The following MSI2 variants were observed in gnomAD, a reference collection of about 807,000 sequenced individuals.
The protein encoded by MSI2 is musashi RNA binding protein 2.
Under a neutral mutation model 45.6 loss-of-function variants are expected in MSI2, and 17 were observed. The observed-to-expected ratio is 0.37, with a 90% CI of 0.26 to 0.56. The LOEUF (loss-of-function observed/expected upper bound fraction) is 0.56, where lower values mean the gene tolerates loss of function less well. MSI2 is among the 20% of genes least tolerant of loss of function. The pLI, the probability that MSI2 is intolerant of heterozygous loss-of-function variation, is 0.77. For missense variants in MSI2, 293 were observed against 444.2 expected, an observed-to-expected ratio of 0.66 and a Z score of 3.06; for synonymous variants, 156 against 158.2, an observed-to-expected ratio of 0.99 and a Z score of 0.11.
intron 7 of MSI2, among the ~76,000 whole-genome samples, chr17:57,561,623 A>C (rs1332508564): frequency 6.6e-6 from 1 of 152,150 alleles, no homozygotes; most frequent in African/African-American, 2.4e-5. Context: ...TGTGCTAATG[A>C]GGAAACATGG....
chr17:57,440,753 A>G (rs1426418324), intron 6 of MSI2: 1 of 151,994 alleles, frequency 6.6e-6, no homozygotes, highest in Non-Finnish European at 1.5e-5. Context: ...AGGACTGAGG[A>G]GGTGGGGAAG....
intron 5 of MSI2, among the ~76,000 whole-genome samples, chr17:57,375,952 C>T (rs752932962): frequency 4.5e-4 from 69 of 152,276 alleles, no homozygotes; most frequent in Non-Finnish European, 6.5e-4. Flanking sequence ...CAGCCTGTCC[C>T]GCCTTTGAAC....
intron 5 of MSI2, among the ~76,000 whole-genome samples, chr17:57,301,450 C>T (rs1911412918): frequency 6.6e-6 from 1 of 152,226 alleles, no homozygotes; most frequent in African/African-American, 2.4e-5. Flanking sequence ...TAGGAATACT[C>T]ACATAGTCAC....
At chr17:57,450,320 A>AAAG (rs1567830999) in intron 6 of MSI2, 2 of 142,582 alleles carry the variant, frequency 1.4e-5, no homozygotes, top group African/African-American at 5.0e-5. Context: ...AGAAAGAAAG[A>AAAG]AAACCTTTGT....
At chr17:57,636,877 T>C (rs12949952) in intron 10 of MSI2, among the ~76,000 whole-genome samples, 6,542 of 152,256 alleles carry the variant, frequency 0.043, 194 homozygotes, top group Middle Eastern at 0.065. Flanking sequence ...TCTTGAAATA[T>C]CAAGACAGGC....
intron 7 of MSI2, among the ~76,000 whole-genome samples, chr17:57,569,301 G>A (rs569549545): frequency 6.6e-5 from 10 of 152,336 alleles, no homozygotes; most frequent in African/African-American, 2.4e-4. Context: ...ATGGGCTCCA[G>A]TTTGCTGCCA....
intron 5 of MSI2, among the ~76,000 whole-genome samples, chr17:57,304,613 G>T (rs946332536): frequency 6.6e-5 from 10 of 151,762 alleles, no homozygotes; most frequent in Non-Finnish European, 1.3e-4. Flanking sequence ...AATAGAGACA[G>T]GGTTTCACTA....
chr17:57,448,359 T>G (rs1407834454), intron 6 of MSI2: 1 of 152,238 alleles, frequency 6.6e-6, no homozygotes, highest in Non-Finnish European at 1.5e-5. Flanking sequence ...CACATGTAGG[T>G]AATTTATTAA....
chr17:57,270,162 G>T (rs191020673), intron 5 of MSI2, among the ~76,000 whole-genome samples: 1 of 152,124 alleles, frequency 6.6e-6, no homozygotes, highest in African/African-American at 2.4e-5. Context: ...TCCTAATTCA[G>T]AATAATGACT....
chr17:57,422,305 CA>C (rs1479922049), intron 6 of MSI2, among the ~76,000 whole-genome samples: 7 of 152,082 alleles, frequency 4.6e-5, no homozygotes, highest in African/African-American at 1.7e-4. Flanking sequence ...ACTAAAAATA[CA>C]AAAATTATCC....
At chr17:57,687,615 A>G (rs970213356), downstream of MSI2, among the ~76,000 whole-genome samples, 1 of 152,128 alleles carries the variant, frequency 6.6e-6, no homozygotes, top group Non-Finnish European at 1.5e-5. Flanking sequence ...AAGATATAAT[A>G]CTGAAAAATA....
At chr17:57,450,278 A>AAGAAAGAAAG (rs2084980852) in intron 6 of MSI2, 1 of 105,386 alleles carries the variant, frequency 9.5e-6, no homozygotes, top group African/African-American at 3.8e-5. Flanking sequence ...AAAGAAAGAA[A>AAGAAAGAAAG]GAAAGAAAGA....
At chr17:57,463,650 C>T (rs1021290622) in intron 6 of MSI2, among the ~76,000 whole-genome samples, 3 of 152,188 alleles carry the variant, frequency 2.0e-5, no homozygotes, top group African/African-American at 4.8e-5. Flanking sequence ...AGACCCTTCC[C>T]TGTCCAGTCC....
chr17:57,280,375 G>C lies in MSI2; in HGVS notation c.312+18183G>C, dbSNP rs73323452. On this transcript the variant is annotated intron_variant, in intron 5 of 13. Transcript: ENST00000284073. The surrounding 1 kb of genome is among the most constrained non-coding windows in gnomAD (Gnocchi z 4.2). ...TGGGGGAATCAGTGAGTAAGTTGTT[G>C]TGGTGATCCACTTGAGGAAGGATGG... Among the ~76,000 whole-genome samples, 156 of 152,338 alleles carry C rather than the reference G, an allele frequency of 1.0e-3. No individual in the cohort carries two copies. The highest frequency in any genetic ancestry group is 3.6e-3 in the African/African-American group (150 of 41,566).
At chr17:57,367,444 G>A (rs1238311747) in intron 5 of MSI2, among the ~76,000 whole-genome samples, 1 of 152,188 alleles carries the variant, frequency 6.6e-6, no homozygotes, top group African/African-American at 2.4e-5. Flanking sequence ...TTAATATACG[G>A]TTGGTCCTTG....
At chr17:57,699,514 G>T in the MSI2 span, among the ~76,000 whole-genome samples, 3 of 151,126 alleles carry the variant, frequency 2.0e-5, no homozygotes, top group African/African-American at 7.4e-5. Context: ...ATACTTCCAC[G>T]TGCTAAGCCT....
rs538314805 is a variant in MSI2 at position 57,301,685 on chromosome 17, G to T, written c.312+39493G>T. Among the ~76,000 whole-genome samples the T allele has an allele frequency of 2.0e-5, 3 of 152,206 alleles. No individual in the cohort carries two copies. In the East Asian group the frequency reaches 5.8e-4, roughly 29 times the overall value. On this transcript the variant is annotated intron_variant, in intron 5 of 13. Transcript: ENST00000284073. ...GCTGTAGCGTGTTCATTGAATGAAT[G>T]GGCCACCCCTTGTCTTTTCTTCTTT...
At chr17:57,399,273 G>A (rs527722377) in intron 5 of MSI2, among the ~76,000 whole-genome samples, 1 of 152,192 alleles carries the variant, frequency 6.6e-6, no homozygotes, top group South Asian at 2.1e-4. Flanking sequence ...CTGAAAAGAG[G>A]TGAAAAAACA....
chr17:57,256,300 T>C (rs1906701807), upstream of MSI2, among the ~76,000 whole-genome samples: 1 of 151,384 alleles, frequency 6.6e-6, no homozygotes, highest in Non-Finnish European at 1.5e-5. Flanking sequence ...CCCGCGGGGT[T>C]CGCGCGCCAC....
Sources: allele counts gnomAD v4.1 joint callset (sites outside exome capture counted in the v4.1 genomes callset), GRCh38; gene constraint gnomAD v4.1.1; non-coding constraint Gnocchi (gnomAD v3.1); transcripts MANE v1.5; gene names NCBI Gene and HGNC (gene_info 2026-07-23, HGNC 2026-07-21).